Variants in NREP observed in about 807,000 individuals in gnomAD.
The protein encoded by NREP is neuronal regeneration related protein, also known as neuronal regeneration-related protein.
In NREP, 5 loss-of-function variants were observed where a neutral mutation model predicts 8.6. That is an observed-to-expected ratio of 0.58 (90% CI 0.30 to 1.22). The LOEUF (loss-of-function observed/expected upper bound fraction) is 1.22. Ranked by LOEUF, NREP falls within the 50% of genes most tolerant of loss-of-function variation. The pLI is 0.07. For synonymous variants in NREP, 27 were observed against 28.0 expected, an observed-to-expected ratio of 0.96 and a Z score of 0.11; for missense variants, 86 against 82.5, an observed-to-expected ratio of 1.04 and a Z score of -0.17.
At chr5:111,832,196 A>G (rs1752785282) in intron 2 of NREP, among the ~76,000 whole-genome samples, 1 of 152,056 alleles carries the variant, frequency 6.6e-6, no homozygotes, top group Non-Finnish European at 1.5e-5. Context: ...ACAGAGGAAA[A>G]AAGGACATTA....
chr5:111,735,697 A>G (rs1561632184), intron 2 of NREP, among the ~76,000 whole-genome samples, 190 bp from the exon 3 acceptor site: 2 of 152,172 alleles, frequency 1.3e-5, no homozygotes, highest in South Asian at 2.1e-4. Context: ...CACTCAGGAG[A>G]GTTTCAGCTC....
At chr5:111,873,009 G>C (rs1438474618) in intron 2 of NREP, among the ~76,000 whole-genome samples, 3 of 152,040 alleles carry the variant, frequency 2.0e-5, no homozygotes, top group East Asian at 1.9e-4. Context: ...TATGTAGGTC[G>C]CATCACTTAT....
rs182531552 is a variant in NREP, at chr5:111,966,991, C to T, written c.135+8283G>A. ...TTCTCAACAAAGAGACATCTGGCCC[C>T]CAAGAGACATCTGGCCATGTCTAAA... On this transcript the variant is annotated intron_variant, in intron 2 of 3. Transcript: ENST00000395634. Among the ~76,000 whole-genome samples the T allele has an allele frequency of 4.4e-4, 67 of 152,280 alleles. 1 individual carries two copies. The highest frequency in any genetic ancestry group is 1.5e-3 in the African/African-American group (63 of 41,558).
chr5:111,743,857 T>C (rs1749832588), intron 2 of NREP, among the ~76,000 whole-genome samples: 1 of 152,164 alleles, frequency 6.6e-6, no homozygotes. Context: ...AAGAATGCTA[T>C]GTTTTCTTTC....
At chr5:111,812,838 C>T (rs1199284600) in intron 2 of NREP, among the ~76,000 whole-genome samples, 1 of 152,030 alleles carries the variant, frequency 6.6e-6, no homozygotes, top group African/African-American at 2.4e-5. Flanking sequence ...TAATATTAAT[C>T]TTAGCTAGAA....
intron 2 of NREP, among the ~76,000 whole-genome samples, chr5:111,813,461 T>C (rs959377548): frequency 3.3e-5 from 5 of 152,182 alleles, no homozygotes; most frequent in African/African-American, 1.2e-4. Context: ...ACCTGTCTTA[T>C]ATTCTAACAT....
At chr5:111,867,245 A>G (rs1197092596) in intron 2 of NREP, among the ~76,000 whole-genome samples, 2 of 152,108 alleles carry the variant, frequency 1.3e-5, no homozygotes, top group Non-Finnish European at 2.9e-5. Flanking sequence ...AACAACAGAC[A>G]TTGATTTTCT....
Position 111,805,795 on chromosome 5 carries a change from T to G in NREP, c.136-70288A>C, listed in dbSNP as rs151162020. ...AAAATTTATCAAATATGGCAAAATG[T>G]TAACAATTGGTGAATCTAGATTTCA... On this transcript the variant is annotated intron_variant, in intron 2 of 3. Transcript: ENST00000395634. Among the ~76,000 whole-genome samples the G allele has an allele frequency of 1.0e-2, 1,518 of 152,232 alleles. 80 individuals are homozygous for G. Among genetic ancestry groups the G allele is most frequent in the Admixed American group, 0.092 (1,411 of 15,280 alleles).
intron 2 of NREP, among the ~76,000 whole-genome samples, chr5:111,901,299 C>G (rs999400131): frequency 1.6e-4 from 25 of 151,988 alleles, no homozygotes; most frequent in African/African-American, 5.8e-4. Context: ...TTCAACATCC[C>G]TTCATGATTA....
At chr5:111,844,475 T>C (rs936299710) in intron 2 of NREP, among the ~76,000 whole-genome samples, 3 of 151,454 alleles carry the variant, frequency 2.0e-5, no homozygotes, top group Non-Finnish European at 4.4e-5. Context: ...TCATCATTGC[T>C]TCTTTATCTC....
intron 2 of NREP, among the ~76,000 whole-genome samples, chr5:111,754,932 T>C (rs952511150): frequency 3.9e-5 from 6 of 152,284 alleles, no homozygotes; most frequent in Admixed American, 2.6e-4. Context: ...AATCACACAT[T>C]CTAAGTGACA....
At chr5:111,751,922 C>G (rs17133717) in intron 2 of NREP, among the ~76,000 whole-genome samples, 21,535 of 152,104 alleles carry the variant, frequency 0.14, 1,939 homozygotes, top group East Asian at 0.32. Flanking sequence ...TGTAGGACCA[C>G]GAAGTTACGC....
rs58877839 is a variant in NREP at position 111,964,855 on chromosome 5, C to CAAA, written c.135+10416_135+10418dup. The stretch of plus-strand genomic sequence containing the variant: ...AGTCTACTTAGAATGCTTTCAGCAG[C>CAAA]AAAAAAAAAAAAAAAAAAAAAAAAA... On this transcript the variant is annotated intron_variant, in intron 2 of 3. Transcript: ENST00000395634. Among the ~76,000 whole-genome samples, 40 of 44,880 alleles carry CAAA rather than the reference C, an allele frequency of 8.9e-4. 4 individuals are homozygous for CAAA. Among genetic ancestry groups the CAAA allele is most frequent in the Non-Finnish European group, 1.5e-3 (33 of 21,518 alleles). The allele number at this position is 44,880 out of a possible 152,430, so 29.4% of individuals were successfully genotyped here.
At chr5:111,838,153 A>G (rs1389039053) in intron 2 of NREP, among the ~76,000 whole-genome samples, 2 of 152,178 alleles carry the variant, frequency 1.3e-5, no homozygotes, top group Non-Finnish European at 2.9e-5. Flanking sequence ...TTAACCCAAT[A>G]TATCTAAAAG....
At position 111,741,782 on chromosome 5, in the gene NREP, G is replaced by A. The variant is rs924976392; in HGVS notation, c.4-6275C>T. On this transcript the variant is annotated intron_variant, in intron 2 of 3. Coordinates refer to ENST00000257435, the MANE Select transcript of NREP (RefSeq NM_004772.4). ...TAGGTTGGCAAGCATTCTGGCTTGG[G>A]GGCTAAACGAAACATGCACTGACCT... Among the ~76,000 whole-genome samples, 3 of 151,216 alleles carry A rather than the reference G, an allele frequency of 2.0e-5. No individual in the cohort carries two copies. In the East Asian group the frequency reaches 5.8e-4, roughly 29 times the overall value.
intron 2 of NREP, among the ~76,000 whole-genome samples, chr5:111,867,025 T>A (rs1440970314): frequency 4.6e-5 from 7 of 151,826 alleles, no homozygotes; most frequent in African/African-American, 1.5e-4. Context: ...GGGATAGCAT[T>A]TGGAGATATA....
chr5:111,911,946 G>T (rs1347657527), intron 2 of NREP, among the ~76,000 whole-genome samples: 1 of 151,956 alleles, frequency 6.6e-6, no homozygotes, highest in Non-Finnish European at 1.5e-5. Context: ...TTTACAGATG[G>T]GATAACTAAG....
intron 2 of NREP, among the ~76,000 whole-genome samples, chr5:111,813,085 T>C (rs1336984264): frequency 1.3e-5 from 2 of 152,172 alleles, no homozygotes; most frequent in Non-Finnish European, 2.9e-5. Flanking sequence ...GCAGTAAGTA[T>C]ATCATTTGGC....
exon 2 of NREP, chr5:111,975,317 G>C: frequency 2.6e-6 from 4 of 1,551,620 alleles, no homozygotes; most frequent in Non-Finnish European, 2.6e-6. Flanking sequence ...GAAACATTTG[G>C]AACAAGGGAC....
Sources: gnomAD v4.1 joint callset for allele counts (sites outside exome capture counted in the v4.1 genomes callset) on GRCh38, gnomAD v4.1.1 for gene constraint, MANE v1.5 for transcripts, NCBI Gene and HGNC (gene_info 2026-07-23, HGNC 2026-07-21) for gene names.